SEMA3F: variants seen among roughly 807,000 people sequenced by gnomAD.
The protein encoded by SEMA3F is semaphorin-3F.
A neutral mutation model predicts 98.5 loss-of-function variants in SEMA3F; 30 were observed. That is an observed-to-expected ratio of 0.30 (90% confidence interval 0.23 to 0.41). The LOEUF (loss-of-function observed/expected upper bound fraction) is 0.41, where lower values mean the gene tolerates loss of function less well. SEMA3F is among the 10% of genes least tolerant of loss of function. The pLI is 1.00. For synonymous variants in SEMA3F, 380 were observed against 444.8 expected (o/e 0.85, Z 1.83); for missense variants, 866 against 1,119.3 (o/e 0.77, Z 3.23).
chr3:50,167,046 G>A (rs1360764381), intron 2 of SEMA3F, among the ~76,000 whole-genome samples: 1 of 152,096 alleles, frequency 6.6e-6, no homozygotes, highest in Non-Finnish European at 1.5e-5. Context: ...ACTTCTTGGG[G>A]CACATTCCTG....
intron 1 of SEMA3F, chr3:50,159,141 C>T (rs1698107659): frequency 6.4e-6 from 1 of 156,438 alleles, no homozygotes. Context: ...GGGAGAAGAC[C>T]TGTGGCTGGA....
upstream of SEMA3F, chr3:50,155,128 G>A: frequency 2.4e-6 from 1 of 416,116 alleles, no homozygotes; most frequent in Non-Finnish European, 4.4e-6. The surrounding 1 kb of genome is among the most constrained non-coding windows in gnomAD (Gnocchi z 4.9). Context: ...GGAGAGCCCC[G>A]AGCGCAGCGC....
At position 50,188,124 on chromosome 3, in the gene SEMA3F, G is replaced by A. The variant is rs1476888905; in HGVS notation, c.*9G>A. Reference sequence around the variant, plus strand: ...ACCCTCCGGACACATGAGGCCAGCTGCCTGTGCCTGCCATGGGCCAGCCTA... The same window carrying A: ...ACCCTCCGGACACATGAGGCCAGCTACCTGTGCCTGCCATGGGCCAGCCTA... On this transcript the variant is annotated 3_prime_UTR_variant, in exon 19 of 19. Transcript: ENST00000002829. This position sits in a 1 kb window ranked among gnomAD's most constrained non-coding sequence, Gnocchi z 4.5. The A allele has an allele frequency of 3.2e-5, 46 of 1,458,388 alleles. No individual in the cohort carries two copies. The highest frequency in any genetic ancestry group is 4.1e-5 in the Non-Finnish European group (45 of 1,107,306). The allele number at this position is 1,458,388 out of a possible 1,614,324, so 90.3% of individuals were successfully genotyped here.
chr3:50,158,219 C>T lies in SEMA3F; in HGVS notation c.-48-1356C>T, dbSNP rs1404907744. ...GAGGGGCTGGTTCTGATTCCCCCAT[C>T]CCCCAGCTAGCCTCCCCAGGAGGCA... On this transcript the variant is annotated intron_variant, in intron 1 of 18. Transcript: ENST00000002829. This position sits in a 1 kb window ranked among gnomAD's most constrained non-coding sequence, Gnocchi z 4.8. Among the ~76,000 whole-genome samples the T allele has an allele frequency of 6.6e-6, 1 of 152,266 alleles. No individual in the cohort carries two copies.
chr3:50,184,948 G>C, intron 13 of SEMA3F, 134 bp downstream of exon 13: 1 of 668,092 alleles, frequency 1.5e-6, no homozygotes, highest in Non-Finnish European at 2.6e-6. Flanking sequence ...TCATCCTTTG[G>C]TGCCTTCTCC....
At chr3:50,163,059 C>T (rs1468835272) in intron 2 of SEMA3F, among the ~76,000 whole-genome samples, 1 of 152,230 alleles carries the variant, frequency 6.6e-6, no homozygotes, top group Admixed American at 6.5e-5. Flanking sequence ...ATGGAGCCTG[C>T]ATCCGCCTGA....
chr3:50,172,310 T>C (rs916924236), intron 2 of SEMA3F, among the ~76,000 whole-genome samples: 9 of 152,164 alleles, frequency 5.9e-5, no homozygotes, highest in African/African-American at 1.7e-4. Flanking sequence ...TGTGTGAATA[T>C]TCATCATCCT....
intron 7 of SEMA3F, among the ~76,000 whole-genome samples, chr3:50,179,657 G>A (rs1283713511): frequency 6.6e-6 from 1 of 152,208 alleles, no homozygotes; most frequent in Non-Finnish European, 1.5e-5. Context: ...TGAAAATCGT[G>A]TTTAGTGTAG....
chr3:50,162,790 G>GT (rs1698260870), intron 2 of SEMA3F, among the ~76,000 whole-genome samples: 1 of 152,222 alleles, frequency 6.6e-6, no homozygotes, highest in Non-Finnish European at 1.5e-5. Flanking sequence ...ATGTTTGGTG[G>GT]GGTAGAAGGA....
chr3:50,179,567 C>A (rs1698947349), intron 7 of SEMA3F, among the ~76,000 whole-genome samples: 1 of 152,170 alleles, frequency 6.6e-6, no homozygotes, highest in South Asian at 2.1e-4. Flanking sequence ...CTAAAGTGTT[C>A]CTCCCACCTC....
At chr3:50,159,869 A>G in intron 2 of SEMA3F, 135 bp downstream of exon 2, 1 of 658,252 alleles carries the variant, frequency 1.5e-6, no homozygotes. Flanking sequence ...TGTGGGGGAG[A>G]AGGGAGACCG....
chr3:50,184,406 C>T, intron 12 of SEMA3F, 186 bp from the exon 13 acceptor site: 2 of 599,536 alleles, frequency 3.3e-6, no homozygotes, highest in Non-Finnish European at 5.9e-6. Flanking sequence ...ATTTGGCCAC[C>T]TGGGACCTTG....
At chr3:50,170,685 A>G (rs970627071) in intron 2 of SEMA3F, among the ~76,000 whole-genome samples, 2 of 152,038 alleles carry the variant, frequency 1.3e-5, no homozygotes, top group African/African-American at 4.8e-5. Context: ...AGAGAGCGAG[A>G]GTGCCCCCAA....
Position 50,156,561 on chromosome 3 carries a change from G to A in SEMA3F, c.-49+997G>A, listed in dbSNP as rs551882505. On this transcript the variant is annotated intron_variant, in intron 1 of 18. Coordinates refer to ENST00000002829, the MANE Select transcript of SEMA3F (RefSeq NM_004186.5). The surrounding 1 kb of genome is among the most constrained non-coding windows in gnomAD (Gnocchi z 4.5). ...TCCCAGTAGTTATCCTAGTTGCAGA[G>A]AAGGGAAAACTGCACCCAGGGGTTG... 4.6e-5 allele frequency among the ~76,000 whole-genome samples: 7 copies of A among 152,330 alleles called. No individual in the cohort carries two copies. The South Asian group carries it at 1.2e-3, about 27-fold the overall frequency.
intron 5 of SEMA3F, 88 bp downstream of exon 5, chr3:50,174,438 C>T (rs1575394068): frequency 6.8e-7 from 1 of 1,464,244 alleles, no homozygotes; most frequent in East Asian, 2.3e-5. Flanking sequence ...CAGCCCCAGC[C>T]CTGCCACTTC....
Position 50,156,664 on chromosome 3 carries a change from C to T in SEMA3F, c.-49+1100C>T, listed in dbSNP as rs549356405. The stretch of plus-strand genomic sequence containing the variant: ...CTACCCAAGGGGTGTGCCAGGACCC[C>T]GTAGGGTATAGTGTCTAGGCAGGCG... On this transcript the variant is annotated intron_variant, in intron 1 of 18. Coordinates refer to ENST00000002829, the MANE Select transcript of SEMA3F (RefSeq NM_004186.5). The surrounding 1 kb of genome is among the most constrained non-coding windows in gnomAD (Gnocchi z 4.5). Among the ~76,000 whole-genome samples the T allele has an allele frequency of 5.9e-5, 9 of 152,300 alleles. No individual in the cohort carries two copies. The East Asian group carries it at 1.4e-3, about 23-fold the overall frequency.
intron 7 of SEMA3F, among the ~76,000 whole-genome samples, chr3:50,181,727 TCTC>T (rs1277689638): frequency 6.7e-6 from 1 of 148,990 alleles, no homozygotes; most frequent in Non-Finnish European, 1.5e-5. Context: ...TTCAAGCAAT[TCTC>T]CTGCCTCAGC....
intron 2 of SEMA3F, among the ~76,000 whole-genome samples, chr3:50,170,113 T>A (rs1698548665): frequency 6.6e-6 from 1 of 152,106 alleles, no homozygotes; most frequent in South Asian, 2.1e-4. Flanking sequence ...CTTGTTTCCC[T>A]TTTCACCTAC....
At chr3:50,176,975 A>G (rs1222810355) in intron 7 of SEMA3F, 114 bp downstream of exon 7, 1 of 867,522 alleles carries the variant, frequency 1.2e-6, no homozygotes, top group Non-Finnish European at 1.9e-6. Context: ...GCTGTCCCTG[A>G]ACTCCCCAAA....
Sources: allele counts gnomAD v4.1 joint callset (sites outside exome capture counted in the v4.1 genomes callset), GRCh38; gene constraint gnomAD v4.1.1; non-coding constraint Gnocchi (gnomAD v3.1); transcripts MANE v1.5; gene names NCBI Gene and HGNC (gene_info 2026-07-23, HGNC 2026-07-21).